FANCA: variants seen among roughly 807,000 people sequenced by gnomAD.
FANCA encodes the protein Fanconi anemia group A protein.
Under a neutral mutation model 194.3 loss-of-function variants are expected in FANCA, and 236 were observed. The observed-to-expected ratio is 1.21, with a 90% CI of 1.09 to 1.35. The LOEUF (loss-of-function observed/expected upper bound fraction) is 1.35, where lower values mean the gene tolerates loss of function less well. FANCA is among the 40% of genes most tolerant of loss of function. The pLI is 0.00. For missense variants in FANCA, 2,628 were observed against 1,813.9 expected (o/e 1.45, Z -8.15); for synonymous variants, 1,014 against 715.8 (o/e 1.42, Z -6.65).
intron 21 of FANCA, among the ~76,000 whole-genome samples, chr16:89,774,733 A>AAAAAAAAAAAAAAAAAAAAAC: frequency 7.0e-6 from 1 of 143,706 alleles, no homozygotes; most frequent in Non-Finnish European, 1.5e-5. Context: ...CTGTCTCAAA[A>AAAAAAAAAAAAAAAAAAAAAC]AAAAAAAAAA....
chr16:89,775,662 G>A, intron 21 of FANCA, 80 bp downstream of exon 21: 1 of 1,179,560 alleles, frequency 8.5e-7, no homozygotes, highest in South Asian at 1.3e-5. Context: ...TCACTCGGGT[G>A]GTGTAGCACA....
chr16:89,801,813 G>C (rs1212931277), intron 8 of FANCA, among the ~76,000 whole-genome samples: 1 of 151,530 alleles, frequency 6.6e-6, no homozygotes, highest in African/African-American at 2.4e-5. Flanking sequence ...GGTTGAACCT[G>C]GGAGGCAGAG....
chr16:89,768,826 G>A (rs11645916), intron 26 of FANCA, among the ~76,000 whole-genome samples: 9,083 of 152,196 alleles, frequency 0.06, 414 homozygotes, highest in East Asian at 0.22. Flanking sequence ...AAGAGAGGAT[G>A]GCCCTGTCTC....
chr16:89,773,211 C>A, intron 22 of FANCA, 60 bp downstream of exon 22: 1 of 1,350,184 alleles, frequency 7.4e-7, no homozygotes, highest in Non-Finnish European at 1.0e-6. Context: ...GGCCCAGCCA[C>A]AGAGCTCCAA....
rs775747064 is a variant in FANCA, at chr16:89,746,729, G to A, written c.3409-41C>T. ...CAGCAGGAGGTCAGCGGTTTGTGAG[G>A]ACCCACAACTAGTAGAGTGAAGGAA... On this transcript the variant is annotated intron_variant, in intron 34 of 42. Transcript: ENST00000389301. 6.9e-6 allele frequency: 11 copies of A among 1,603,844 alleles called. No individual in the cohort carries two copies. The South Asian group carries it at 1.2e-4, about 18-fold the overall frequency.
chr16:89,779,744 C>T, intron 18 of FANCA, 125 bp downstream of exon 18: 1 of 814,424 alleles, frequency 1.2e-6, no homozygotes, highest in Non-Finnish European at 2.1e-6. Flanking sequence ...CAGACGCTGG[C>T]AGGCATCAGA....
Position 89,738,320 on chromosome 16 carries a change from C to A in FANCA, c.*281G>T. On this transcript the variant is annotated 3_prime_UTR_variant, in exon 43 of 43. Transcript: ENST00000389301. Reference sequence around the variant, plus strand: ...CTGTGTCAGCCTCACCCTTCGTGTGCACCCGCATGGGAGGGTCGGAGGGTG... The same window carrying A: ...CTGTGTCAGCCTCACCCTTCGTGTGAACCCGCATGGGAGGGTCGGAGGGTG... The A allele has an allele frequency of 6.6e-7, 1 of 1,516,814 alleles. No homozygotes were observed. The allele number at this position is 1,516,814 out of a possible 1,614,324, so 94.0% of individuals were successfully genotyped here. A position where few individuals can be genotyped will look rare whatever the true frequency, so the allele number is the denominator to read the frequency against.
At chr16:89,780,091 T>C (rs1567626489) in intron 17 of FANCA, 134 bp from the exon 18 acceptor site, 13 of 804,264 alleles carry the variant, frequency 1.6e-5, no homozygotes, top group Non-Finnish European at 2.3e-5. Context: ...GCCCACATGC[T>C]GTGCGCACAG....
intron 31 of FANCA, among the ~76,000 whole-genome samples, chr16:89,750,720 C>T (rs1301529335): frequency 6.6e-6 from 1 of 152,022 alleles, no homozygotes; most frequent in Admixed American, 6.6e-5. Flanking sequence ...CTGCAGTGAG[C>T]CAAGATCCCG....
rs2143657312 is a variant in FANCA at position 89,808,340 on chromosome 16, G to A, written c.550C>T (p.His184Tyr). The change falls in exon 6 of 43, where the codon CAT becomes TAT. Residue 184 changes from histidine to tyrosine, a missense_variant. Coordinates refer to ENST00000389301, the MANE Select transcript of FANCA (RefSeq NM_000135.4). ...CTCACAATGCCTTGTACGTGAAGAT[G>A]CCACACCGCTTCAAGCAACAAAGAA... is the stretch of plus-strand genomic sequence containing the variant. ...QSSLLLEAVW[H>Y]LHVQGIVSLQ... The A allele has an allele frequency of 6.2e-7, 1 of 1,614,072 alleles. No homozygotes were observed. Among genetic ancestry groups the A allele is most frequent in the Middle Eastern group, 1.6e-4 (1 of 6,062 alleles).
At chr16:89,763,920 G>GAA (rs60602870) in intron 28 of FANCA, among the ~76,000 whole-genome samples, 5,278 of 142,364 alleles carry the variant, frequency 0.037, 338 homozygotes, top group African/African-American at 0.13. Context: ...GACTCCACCA[G>GAA]AAAAAAAAAA....
intron 17 of FANCA, among the ~76,000 whole-genome samples, chr16:89,781,307 T>C (rs2143443962): frequency 7.7e-6 from 1 of 129,764 alleles, no homozygotes; most frequent in South Asian, 2.3e-4. Context: ...GAGCTTGCAG[T>C]GAGCTGAGAC....
In FANCA at chr16:89,737,975, G is replaced by A; in HGVS notation, c.*626C>T. On this transcript the variant is annotated 3_prime_UTR_variant, in exon 43 of 43. Transcript: ENST00000389301. ...CCTTCTTATCTGCCTCTGTCCCCCA[G>A]GTGTGAGGTCTGTGGGTTCCAGTGC... 6.2e-7 allele frequency: 1 copy of A among 1,614,114 alleles called. No individual in the cohort carries two copies. Among genetic ancestry groups the A allele is most frequent in the Non-Finnish European group, 8.5e-7 (1 of 1,180,022 alleles).
In FANCA at chr16:89,811,017, G is replaced by A. The variant is rs149903404; in HGVS notation, c.338C>T (p.Ser113Leu). The change falls in exon 4 of 43, where the codon TCA becomes TTA. Residue 113 changes from serine (S) to leucine (L), a missense_variant. Transcript: ENST00000389301. ...CACGCTAGAGGCAACCATCCCGGCT[G>A]AGAGAATACCCACGGGAACCCCCAG... is the stretch of plus-strand genomic sequence containing the variant. Reference protein sequence around the residue: ...SRLGVPVGILSAGMVASSVGQ... With the variant: ...SRLGVPVGILLAGMVASSVGQ... 30 of 1,613,936 alleles carry A rather than the reference G, an allele frequency of 1.9e-5. No individual in the cohort carries two copies. Among genetic ancestry groups the A allele is most frequent in the Non-Finnish European group, 2.4e-5 (28 of 1,180,036 alleles).
At chr16:89,754,827 T>C (rs554275679) in intron 30 of FANCA, among the ~76,000 whole-genome samples, 68 of 152,218 alleles carry the variant, frequency 4.5e-4, no homozygotes, top group Non-Finnish European at 7.8e-4. Flanking sequence ...ATCACTGAGA[T>C]GGCAATACTG....
chr16:89,746,752 G>C, intron 34 of FANCA, 64 bp from the exon 35 acceptor site: 1 of 1,595,934 alleles, frequency 6.3e-7, no homozygotes, highest in East Asian at 2.2e-5. Flanking sequence ...TAGAGTGAAG[G>C]AACTCACAGG....
intron 29 of FANCA, among the ~76,000 whole-genome samples, 198 bp from the exon 30 acceptor site, chr16:89,758,903 G>A (rs1041624066): frequency 6.6e-6 from 1 of 152,090 alleles, no homozygotes; most frequent in African/African-American, 2.4e-5. Flanking sequence ...GGAAAGGCCT[G>A]GTCTCAGGAG....
chr16:89,800,378 A>C (rs1598167243), intron 8 of FANCA, among the ~76,000 whole-genome samples: 1 of 152,316 alleles, frequency 6.6e-6, no homozygotes, highest in Non-Finnish European at 1.5e-5. Flanking sequence ...GGTAACAATA[A>C]AACAGACTTC....
chr16:89,770,168 G>T lies in FANCA; in HGVS notation c.2314C>A (p.Gln772Lys). The T allele has an allele frequency of 6.3e-7, 1 of 1,588,006 alleles. No homozygotes were observed. Among genetic ancestry groups the T allele is most frequent in the African/African-American group, 1.3e-5 (1 of 74,780 alleles). The change falls in exon 25 of 43, where the codon CAG becomes AAG. Residue 772 changes from glutamine to lysine, a missense_variant and splice_region_variant. Transcript: ENST00000389301. Reference sequence around the variant, plus strand: ...GCCCCCATGAAGGAGAGCCTCACCTGGTGACGGAGCAGCTGGCAGAGCCGG... The same window carrying T: ...GCCCCCATGAAGGAGAGCCTCACCTTGTGACGGAGCAGCTGGCAGAGCCGG... ...LTRLCQLLRH[Q>K]GPSLSAPHVL...
Sources: allele counts gnomAD v4.1 joint callset (sites outside exome capture counted in the v4.1 genomes callset), GRCh38; gene constraint gnomAD v4.1.1; transcripts MANE v1.5; gene names NCBI Gene and HGNC (gene_info 2026-07-23, HGNC 2026-07-21).